The following NRP2 variants were observed in gnomAD, a reference collection of about 807,000 sequenced individuals.
NRP2 encodes the protein neuropilin-2.
NRP2 carries 52 observed loss-of-function variants against 110.4 expected under a neutral mutation model. That is an observed-to-expected ratio of 0.47 (90% confidence interval 0.38 to 0.59). The LOEUF is 0.59. Among genes scored for constraint, NRP2 ranks in the 20% least tolerant of loss-of-function variants. The pLI is 0.00. For synonymous variants in NRP2, 508 were observed against 468.9 expected (o/e 1.08, Z -1.08); for missense variants, 1,049 against 1,203.0 (o/e 0.87, Z 1.89).
chr2:205,693,797 A>T (rs1478308939), intron 1 of NRP2, among the ~76,000 whole-genome samples: 1 of 152,174 alleles, frequency 6.6e-6, no homozygotes, highest in African/African-American at 2.4e-5. Context: ...TTCGCCAAGG[A>T]CTTTTTCCTT....
intron 15 of NRP2, among the ~76,000 whole-genome samples, chr2:205,775,654 C>T (rs903643181): frequency 7.2e-5 from 11 of 152,220 alleles, no homozygotes; most frequent in Non-Finnish European, 1.5e-5. Context: ...GAAGCCTTGG[C>T]AAGCCAAAGT....
chr2:205,731,544 CG>C (rs1234131519), intron 7 of NRP2, among the ~76,000 whole-genome samples: 2 of 152,142 alleles, frequency 1.3e-5, no homozygotes, highest in Non-Finnish European at 2.9e-5. Context: ...TGACAGGACA[CG>C]GGGGAGAGAG....
At chr2:205,787,679 G>A in intron 15 of NRP2, among the ~76,000 whole-genome samples, 1 of 149,830 alleles carries the variant, frequency 6.7e-6, no homozygotes, top group African/African-American at 2.5e-5. Context: ...TTAGAAGAAG[G>A]AAGAAAATGA....
At chr2:205,704,074 T>C (rs562913796) in intron 2 of NRP2, among the ~76,000 whole-genome samples, 71 of 152,266 alleles carry the variant, frequency 4.7e-4, no homozygotes, top group Non-Finnish European at 2.4e-4. Flanking sequence ...TCATACCCTA[T>C]GTCCAGCGAC....
intron 7 of NRP2, 74 bp from the exon 8 acceptor site, chr2:205,740,445 C>T: frequency 6.6e-7 from 1 of 1,524,732 alleles, no homozygotes; most frequent in Non-Finnish European, 9.1e-7. Context: ...TTTCCCATCC[C>T]CTTCAAAGAC....
chr2:205,726,471 C>T (rs921987668), intron 6 of NRP2, among the ~76,000 whole-genome samples: 2 of 152,142 alleles, frequency 1.3e-5, no homozygotes, highest in Admixed American at 6.5e-5. Flanking sequence ...GTGCTAGCTG[C>T]ACATGACAGC....
At chr2:205,745,338 A>G (rs1201522620) in intron 9 of NRP2, among the ~76,000 whole-genome samples, 1 of 152,202 alleles carries the variant, frequency 6.6e-6, no homozygotes, top group Non-Finnish European at 1.5e-5. Context: ...CATTAGAAAA[A>G]GAAGTGTTCC....
chr2:205,712,270 A>C (rs2056814140), intron 2 of NRP2, among the ~76,000 whole-genome samples: 1 of 152,212 alleles, frequency 6.6e-6, no homozygotes, highest in Non-Finnish European at 1.5e-5. Flanking sequence ...AATACAAGGT[A>C]GTGTTAAAGC....
chr2:205,767,613 G>A (rs1193858859), intron 15 of NRP2: 9 of 302,312 alleles, frequency 3.0e-5, no homozygotes, highest in Non-Finnish European at 5.9e-5. Flanking sequence ...TTGGGTGATG[G>A]CAATGTTGTT....
intron 15 of NRP2, chr2:205,779,265 C>T (rs962982364): frequency 1.3e-5 from 2 of 152,202 alleles, no homozygotes; most frequent in African/African-American, 4.8e-5. Context: ...TTGAACTCCC[C>T]TTCCATGATA....
chr2:205,718,871 G>A (rs527515902), intron 3 of NRP2, among the ~76,000 whole-genome samples: 39 of 151,796 alleles, frequency 2.6e-4, no homozygotes, highest in African/African-American at 9.4e-4. Flanking sequence ...GAACCCAGAA[G>A]GAGGAGGTGG....
At chr2:205,790,665 T>A (rs1299575249) in intron 15 of NRP2, among the ~76,000 whole-genome samples, 2 of 145,512 alleles carry the variant, frequency 1.4e-5, no homozygotes, top group African/African-American at 5.0e-5. Flanking sequence ...TTTTTTTTCA[T>A]ATGGAAAAAA....
chr2:205,700,742 G>A (rs370912713), intron 2 of NRP2: 24 of 518,884 alleles, frequency 4.6e-5, no homozygotes, highest in African/African-American at 2.3e-4. Context: ...CTCACAAGCC[G>A]CAGCTTTGCC....
At position 205,798,080 on chromosome 2, in the gene NRP2, T is replaced by A. The variant is rs1252170263; in HGVS notation, c.*3022T>A. ...ACAATGTCAAACTGTGTTTATATGATTTGTATAAAGCCTTTTTAAGATTAC... is the reference window on the plus strand; with the variant it reads ...ACAATGTCAAACTGTGTTTATATGAATTGTATAAAGCCTTTTTAAGATTAC... On this transcript the variant is annotated 3_prime_UTR_variant, in exon 17 of 17. Coordinates refer to ENST00000357785, the MANE Select transcript of NRP2 (RefSeq NM_003872.3). 1 of 152,392 alleles carries A rather than the reference T, an allele frequency of 6.6e-6. No individual in the cohort carries two copies. Among genetic ancestry groups the A allele is most frequent in the African/African-American group, 2.4e-5 (1 of 41,404 alleles). The allele number at this position is 152,392 out of a possible 1,614,324, so 9.4% of individuals were successfully genotyped here.
chr2:205,690,649 G>A (rs2056295085), intron 1 of NRP2, among the ~76,000 whole-genome samples: 1 of 150,740 alleles, frequency 6.6e-6, no homozygotes. Flanking sequence ...GTATGGTGGT[G>A]GGCGCCTATA....
chr2:205,687,264 G>T (rs2056192767), intron 1 of NRP2, among the ~76,000 whole-genome samples: 1 of 152,198 alleles, frequency 6.6e-6, no homozygotes, highest in Non-Finnish European at 1.5e-5. Context: ...CGGTCTAGGC[G>T]CCGGATAAGG....
At chr2:205,695,928 G>A (rs539191232) in intron 1 of NRP2, among the ~76,000 whole-genome samples, 69 of 152,156 alleles carry the variant, frequency 4.5e-4, no homozygotes, top group Non-Finnish European at 9.0e-4. Context: ...CTGGGTGGGA[G>A]GGATGAGCTC....
chr2:205,762,207 C>T lies in NRP2; in HGVS notation c.2045-1467C>T, dbSNP rs545275874. On this transcript the variant is annotated intron_variant, in intron 12 of 16. Coordinates refer to ENST00000357785, the MANE Select transcript of NRP2 (RefSeq NM_003872.3). ...GGCACAAACTGGAATCCCATATACG[C>T]ATACTAAACTGGTCTCATTTGACTT... The T allele has an allele frequency of 3.3e-5, 5 of 152,286 alleles. No individual in the cohort carries two copies. The South Asian group carries it at 6.2e-4, about 19-fold the overall frequency. The allele number at this position is 152,286 out of a possible 1,614,324, so 9.4% of individuals were successfully genotyped here. A position where few individuals can be genotyped will look rare whatever the true frequency, so the allele number is the denominator to read the frequency against.
At position 205,763,764 on chromosome 2, in the gene NRP2, G is replaced by A; in HGVS notation, c.2135G>A (p.Ser712Asn). 1 of 1,614,222 alleles carries A rather than the reference G, an allele frequency of 6.2e-7. No individual in the cohort carries two copies. Among genetic ancestry groups the A allele is most frequent in the South Asian group, 1.1e-5 (1 of 91,088 alleles). The change falls in exon 13 of 17, where the codon AGC (serine) becomes AAC (asparagine). Residue 712 changes from serine (S) to asparagine (N), a missense_variant. By Grantham distance (46) the Ser-to-Asn change is conservative. Transcript: ENST00000357785. This position sits in a 1 kb window ranked among gnomAD's most constrained non-coding sequence, Gnocchi z 4.0. The part of the protein sequence containing the change: ...LISPPVHLPR[S>N]PVCMEFQYQA... ...AGCCCCCCTGTCCACCTGCCCCGAA[G>A]CCCGGTGTGCATGGAGTTCCAGTAC... is the stretch of plus-strand genomic sequence containing the variant.
Sources: gnomAD v4.1 joint callset for allele counts (sites outside exome capture counted in the v4.1 genomes callset) on GRCh38, gnomAD v4.1.1 for gene constraint, Gnocchi (gnomAD v3.1) non-coding constraint, MANE v1.5 for transcripts, NCBI Gene and HGNC (gene_info 2026-07-23, HGNC 2026-07-21) for gene names.